Variants in PDZRN4 observed in about 807,000 individuals in gnomAD.
PDZRN4 encodes PDZ domain-containing RING finger protein 4.
In PDZRN4, 70 loss-of-function variants were observed where a neutral mutation model predicts 99.0. That is an observed-to-expected ratio of 0.71 (90% CI 0.58 to 0.86). The LOEUF is 0.86. PDZRN4 is among the 40% of genes least tolerant of loss of function. PDZRN4 has a pLI of 0.00. For missense variants in PDZRN4, 1,474 were observed against 1,331.2 expected (o/e 1.11, Z -1.67); for synonymous variants, 551 against 501.6 (o/e 1.10, Z -1.32).
intron 3 of PDZRN4, among the ~76,000 whole-genome samples, chr12:41,252,920 T>C (rs188034670): frequency 6.6e-6 from 1 of 152,310 alleles, no homozygotes; most frequent in African/African-American, 2.4e-5. Flanking sequence ...AATATATACT[T>C]AAAATGGGTA....
chr12:41,337,747 A>G lies in PDZRN4; in HGVS notation c.843+143559A>G, dbSNP rs373031236. ...ATCCCAGGGTTCAGCTTCCTTGATCACCTGCAAAGATGAGGATGAAGTCAT... is the reference window on the plus strand; with the variant it reads ...ATCCCAGGGTTCAGCTTCCTTGATCGCCTGCAAAGATGAGGATGAAGTCAT... On this transcript the variant is annotated intron_variant, in intron 3 of 9. Transcript: ENST00000402685. Among the ~76,000 whole-genome samples the G allele has an allele frequency of 2.6e-5, 4 of 152,210 alleles. No homozygotes were observed. In the East Asian group the frequency reaches 7.7e-4, roughly 29 times the overall value.
intron 3 of PDZRN4, among the ~76,000 whole-genome samples, chr12:41,357,357 T>C (rs919840416): frequency 1.3e-5 from 2 of 151,948 alleles, no homozygotes; most frequent in African/African-American, 4.8e-5. Context: ...TATATACATC[T>C]ACATAAGAGA....
At chr12:41,301,002 A>G (rs1373774471) in intron 3 of PDZRN4, among the ~76,000 whole-genome samples, 1 of 152,074 alleles carries the variant, frequency 6.6e-6, no homozygotes, top group African/African-American at 2.4e-5. Flanking sequence ...TGGATTATCT[A>G]TAAGGGGAAT....
At chr12:41,421,675 A>G (rs1376484417) in intron 3 of PDZRN4, among the ~76,000 whole-genome samples, 1 of 152,200 alleles carries the variant, frequency 6.6e-6, no homozygotes, top group East Asian at 1.9e-4. Context: ...GCGCCAGACT[A>G]AATTAAGTGT....
chr12:41,572,440 G>A lies in PDZRN4; in HGVS notation c.1661G>A (p.Gly554Glu). Reference sequence around the variant, plus strand: ...TCCAACAACCATGAGAAGGACAGTGGAGTAGGACGTACAGATGAAAGCTTG... The same window carrying A: ...TCCAACAACCATGAGAAGGACAGTGAAGTAGGACGTACAGATGAAAGCTTG... Reference protein sequence around the residue: ...SSSNNHEKDSGVGRTDESLRN... With the variant: ...SSSNNHEKDSEVGRTDESLRN... The change falls in exon 10 of 10, where the codon GGA becomes GAA. Residue 554 changes from glycine (G) to glutamate (E), a missense_variant. Transcript: ENST00000402685. 1.2e-6 allele frequency: 2 copies of A among 1,614,132 alleles called. No individual in the cohort carries two copies. The highest frequency in any genetic ancestry group is 1.1e-5 in the South Asian group (1 of 91,086).
rs549425704 is a variant in PDZRN4, at chr12:41,194,315, C to T, written c.843+127C>T. The T allele has an allele frequency of 1.8e-4, 115 of 640,668 alleles. No homozygotes were observed. In the African/African-American group the frequency reaches 2.0e-3, roughly 11 times the overall value. The allele number at this position is 640,668 out of a possible 1,614,324, so 39.7% of individuals were successfully genotyped here. A position where few individuals can be genotyped will look rare whatever the true frequency, so the allele number is the denominator to read the frequency against. ...TATACATTCTTAGTAGCAGTAAAGGCATTATCATTTTTACTTTCTTACAAA... is the reference window on the plus strand; with the variant it reads ...TATACATTCTTAGTAGCAGTAAAGGTATTATCATTTTTACTTTCTTACAAA... On this transcript the variant is annotated intron_variant, in intron 3 of 9. Coordinates refer to ENST00000402685, the MANE Select transcript of PDZRN4 (RefSeq NM_001164595.2).
intron 3 of PDZRN4, among the ~76,000 whole-genome samples, chr12:41,494,563 T>A (rs1157776474): frequency 1.3e-5 from 2 of 151,670 alleles, no homozygotes; most frequent in Non-Finnish European, 2.9e-5. Context: ...TAGCATCAGT[T>A]GCTATTTTAA....
intron 3 of PDZRN4, among the ~76,000 whole-genome samples, chr12:41,256,112 T>C (rs1299701897): frequency 6.6e-6 from 1 of 152,184 alleles, no homozygotes; most frequent in Non-Finnish European, 1.5e-5. Context: ...TTTTAATGCA[T>C]TGACAGGCAA....
chr12:41,277,763 A>G (rs1436394888), intron 3 of PDZRN4, among the ~76,000 whole-genome samples: 1 of 152,230 alleles, frequency 6.6e-6, no homozygotes, highest in African/African-American at 2.4e-5. Context: ...TTTGGTGTGT[A>G]GGAAAAGTAA....
intron 3 of PDZRN4, among the ~76,000 whole-genome samples, chr12:41,354,467 T>A (rs967535977): frequency 6.6e-6 from 1 of 151,794 alleles, no homozygotes; most frequent in Non-Finnish European, 1.5e-5. Flanking sequence ...TTTTTACCTA[T>A]GAGTCTCTTT....
At chr12:41,314,993 G>A (rs922371810) in intron 3 of PDZRN4, among the ~76,000 whole-genome samples, 4 of 152,078 alleles carry the variant, frequency 2.6e-5, no homozygotes, top group Admixed American at 2.6e-4. Flanking sequence ...AGGAGAACTT[G>A]TGACTCCAGG....
Position 41,252,147 on chromosome 12 carries a change from G to C in PDZRN4, c.843+57959G>C, listed in dbSNP as rs573765760. On this transcript the variant is annotated intron_variant, in intron 3 of 9. Coordinates refer to ENST00000402685, the MANE Select transcript of PDZRN4 (RefSeq NM_001164595.2). Reference sequence around the variant, plus strand: ...ATAAATAAATAAATAATAAAATGAAGTAAAATAAGCATTGCAATACAATGG... The same window carrying C: ...ATAAATAAATAAATAATAAAATGAACTAAAATAAGCATTGCAATACAATGG... 5.0e-4 allele frequency among the ~76,000 whole-genome samples: 75 copies of C among 151,050 alleles called. 1 individual carries two copies. The highest frequency in any genetic ancestry group is 1.4e-3 in the Admixed American group (21 of 15,140).
At chr12:41,316,907 A>C (rs1264473887) in intron 3 of PDZRN4, among the ~76,000 whole-genome samples, 2 of 151,522 alleles carry the variant, frequency 1.3e-5, no homozygotes, top group African/African-American at 4.8e-5. Context: ...TGTCCATCAC[A>C]TAAGGGCTAA....
intron 3 of PDZRN4, among the ~76,000 whole-genome samples, chr12:41,483,855 A>G (rs1323303535): frequency 6.6e-6 from 1 of 152,176 alleles, no homozygotes; most frequent in Non-Finnish European, 1.5e-5. Flanking sequence ...CTCAATGCAT[A>G]GTCCAGTAGT....
rs75995640 is a variant in PDZRN4, at chr12:41,536,280, G to A, written c.1204-16376G>A. 5.1e-3 allele frequency among the ~76,000 whole-genome samples: 776 copies of A among 152,182 alleles called. 10 individuals are homozygous for A. Among genetic ancestry groups the A allele is most frequent in the African/African-American group, 0.018 (740 of 41,522 alleles). On this transcript the variant is annotated intron_variant, in intron 5 of 9. Transcript: ENST00000402685. ...TGAAAGAAATAAGCTGTCAAGCCATGAAAAAACATGGAGCAAACATAAATA... is the reference window on the plus strand; with the variant it reads ...TGAAAGAAATAAGCTGTCAAGCCATAAAAAAACATGGAGCAAACATAAATA...
intron 3 of PDZRN4, among the ~76,000 whole-genome samples, chr12:41,428,119 C>T (rs1465560439): frequency 1.3e-5 from 2 of 151,970 alleles, no homozygotes; most frequent in Non-Finnish European, 2.9e-5. Context: ...AAACAAAACT[C>T]GTCTCTTTAC....
At chr12:41,460,053 G>A in intron 3 of PDZRN4, 1 of 1,285,140 alleles carries the variant, frequency 7.8e-7, no homozygotes. Context: ...GCTTCATTAA[G>A]CTCCTTGTGA....
intron 3 of PDZRN4, among the ~76,000 whole-genome samples, chr12:41,463,729 G>C (rs934825719): frequency 2.6e-5 from 4 of 152,148 alleles, no homozygotes; most frequent in Non-Finnish European, 5.9e-5. Flanking sequence ...AACAGAAATT[G>C]TAGGTTACTC....
intron 3 of PDZRN4, among the ~76,000 whole-genome samples, chr12:41,264,973 G>T (rs545795680): frequency 6.6e-6 from 1 of 152,186 alleles, no homozygotes; most frequent in Admixed American, 6.5e-5. Flanking sequence ...AGAAAGGAAT[G>T]AAAAACTATC....
Sources: allele counts gnomAD v4.1 joint callset (sites outside exome capture counted in the v4.1 genomes callset), GRCh38; gene constraint gnomAD v4.1.1; transcripts MANE v1.5; gene names NCBI Gene and HGNC (gene_info 2026-07-23, HGNC 2026-07-21).